FAT3: variants seen among roughly 807,000 people sequenced by gnomAD.
FAT3 encodes FAT atypical cadherin 3.
Under a neutral mutation model 310.2 loss-of-function variants are expected in FAT3, and 95 were observed. The ratio of observed to expected loss-of-function variants is 0.31; its 90% confidence interval spans 0.26 to 0.36. The LOEUF (loss-of-function observed/expected upper bound fraction) is 0.36. Ranked by LOEUF, FAT3 falls within the 10% of genes least tolerant of loss-of-function variation. The probability of loss-of-function intolerance (pLI) is 1.00; values close to 1 mark genes in which losing one functional copy is unlikely to be tolerated. For missense variants in FAT3, 5,408 were observed against 5,715.6 expected, an observed-to-expected ratio of 0.95 and a Z score of 1.74; for synonymous variants, 2,314 against 2,192.9, an observed-to-expected ratio of 1.06 and a Z score of -1.54.
chr11:92,706,923 C>T (rs781107788), intron 4 of FAT3, among the ~76,000 whole-genome samples: 10 of 152,178 alleles, frequency 6.6e-5, no homozygotes, highest in Non-Finnish European at 1.3e-4. Flanking sequence ...CTATCTGAGC[C>T]AAGGAACGGA....
At chr11:92,659,713 G>A (rs573161134) in intron 3 of FAT3, among the ~76,000 whole-genome samples, 56 of 152,306 alleles carry the variant, frequency 3.7e-4, no homozygotes, top group Admixed American at 1.0e-3. Flanking sequence ...GAAGCTGATG[G>A]TAGAAGATGG....
intron 3 of FAT3, among the ~76,000 whole-genome samples, chr11:92,685,005 T>A (rs1365546518): frequency 6.6e-5 from 10 of 152,188 alleles, no homozygotes; most frequent in Non-Finnish European, 1.5e-4. Flanking sequence ...GCGCTTTGTC[T>A]TATCCTCCAT....
chr11:92,483,152 A>G (rs1379685703), intron 2 of FAT3, among the ~76,000 whole-genome samples: 1 of 152,174 alleles, frequency 6.6e-6, no homozygotes, highest in African/African-American at 2.4e-5. Flanking sequence ...ATGCTTGGAC[A>G]AGCTAAGTGA....
chr11:92,735,557 CATAGATAGATAG>C (rs35680919), intron 4 of FAT3, among the ~76,000 whole-genome samples: 97 of 148,852 alleles, frequency 6.5e-4, no homozygotes, highest in East Asian at 1.0e-3. Context: ...GATGGATGAG[CATAGATAGATAG>C]ATAGATAGAT....
intron 3 of FAT3, among the ~76,000 whole-genome samples, chr11:92,527,961 C>T (rs1173207993): frequency 6.6e-6 from 1 of 152,190 alleles, no homozygotes; most frequent in African/African-American, 2.4e-5. Flanking sequence ...ATTTCCTCCT[C>T]TGCTGTACAG....
chr11:92,410,173 G>A lies in FAT3; in HGVS notation c.3292+54769G>A, dbSNP rs1950224842. 2.0e-5 allele frequency among the ~76,000 whole-genome samples: 3 copies of A among 152,038 alleles called. No homozygotes were observed. The South Asian group carries it at 6.2e-4, about 32-fold the overall frequency. On this transcript the variant is annotated intron_variant, in intron 2 of 27. Coordinates refer to ENST00000525166, the MANE Select transcript of FAT3 (RefSeq NM_001367949.2). ...GTGATTTTTTTTTAAATCATCAGAT[G>A]TGCTGCAGCTGTGGAATTCTACAAA...
rs146240499 is a variant in FAT3, at chr11:92,786,444, T to C, written c.4336-3499T>C. Among the ~76,000 whole-genome samples the C allele has an allele frequency of 3.8e-4, 58 of 151,442 alleles. No homozygotes were observed. The East Asian group carries it at 0.011, about 29-fold the overall frequency. On this transcript the variant is annotated intron_variant, in intron 7 of 27. Transcript: ENST00000525166. The stretch of plus-strand genomic sequence containing the variant: ...TAACCTATAGAAGAATGAGATGAGA[T>C]ACAAATAATTTAACAAAAAAAGAAA...
At chr11:92,673,800 C>T (rs1423802954) in intron 3 of FAT3, among the ~76,000 whole-genome samples, 3 of 152,100 alleles carry the variant, frequency 2.0e-5, no homozygotes, top group Admixed American at 6.5e-5. Context: ...CAAATCTGAA[C>T]ATTGGTAGGA....
At position 92,869,336 on chromosome 11, in the gene FAT3, G is replaced by A. The variant is rs115766332; in HGVS notation, c.12127+2127G>A. Among the ~76,000 whole-genome samples, 1,034 of 152,314 alleles carry A rather than the reference G, an allele frequency of 6.8e-3. 6 individuals carry two copies. Among genetic ancestry groups the A allele is most frequent in the African/African-American group, 0.023 (974 of 41,566 alleles). On this transcript the variant is annotated intron_variant, in intron 22 of 27. Transcript: ENST00000525166. ...TCAGTAGACACCCGGACGTGTCCCAGGTGGGGAAATTTGGGACTCTCATGC... is the reference window on the plus strand; with the variant it reads ...TCAGTAGACACCCGGACGTGTCCCAAGTGGGGAAATTTGGGACTCTCATGC...
intron 2 of FAT3, among the ~76,000 whole-genome samples, chr11:92,399,266 C>T (rs961907022): frequency 1.3e-5 from 2 of 152,092 alleles, no homozygotes; most frequent in Non-Finnish European, 2.9e-5. Flanking sequence ...TGCATAAAGC[C>T]CATATCATCT....
intron 13 of FAT3, among the ~76,000 whole-genome samples, chr11:92,824,889 T>A (rs908898544): frequency 6.6e-6 from 1 of 152,170 alleles, no homozygotes; most frequent in African/African-American, 2.4e-5. Context: ...TACATCTTTA[T>A]TGTGACATTG....
intron 3 of FAT3, among the ~76,000 whole-genome samples, chr11:92,598,691 G>A (rs1224541240): frequency 6.6e-6 from 1 of 152,194 alleles, no homozygotes; most frequent in Non-Finnish European, 1.5e-5. Flanking sequence ...AGAGGCTTTA[G>A]AGGATTATAC....
In FAT3 at chr11:92,478,678, G is replaced by A. The variant is rs573272135; in HGVS notation, c.3293-45956G>A. On this transcript the variant is annotated intron_variant, in intron 2 of 27. Transcript: ENST00000525166. ...GTCCCCGAGGCTAGAGTGCAGTGGC[G>A]TGATCTACGCTCACTGCCACCTCTG... 3.3e-5 allele frequency among the ~76,000 whole-genome samples: 5 copies of A among 151,934 alleles called. 1 individual carries two copies. The highest frequency in any genetic ancestry group is 3.9e-4 in the East Asian group (2 of 5,160).
intron 2 of FAT3, among the ~76,000 whole-genome samples, chr11:92,442,485 TAAAC>T (rs965507292): frequency 1.3e-5 from 2 of 151,882 alleles, no homozygotes; most frequent in African/African-American, 4.8e-5. Context: ...AATAAATAAA[TAAAC>T]TAATAAATAA....
At chr11:92,368,849 C>CATATATATAT (rs1565263622) in intron 2 of FAT3, among the ~76,000 whole-genome samples, 2 of 104,138 alleles carry the variant, frequency 1.9e-5, no homozygotes, top group Admixed American at 1.8e-4. Flanking sequence ...TATATATATA[C>CATATATATAT]ACACATACAC....
intron 2 of FAT3, among the ~76,000 whole-genome samples, chr11:92,496,331 G>GC (rs1034773379): frequency 6.6e-6 from 1 of 151,852 alleles, no homozygotes; most frequent in East Asian, 1.9e-4. Context: ...CTCCATCTGT[G>GC]CCCCCTGCCT....
At chr11:92,833,562 G>A (rs11824437) in intron 14 of FAT3, among the ~76,000 whole-genome samples, 295 of 152,182 alleles carry the variant, frequency 1.9e-3, no homozygotes, top group African/African-American at 6.8e-3. Flanking sequence ...TCTAGAATGC[G>A]TATTCTAATA....
intron 2 of FAT3, among the ~76,000 whole-genome samples, chr11:92,405,237 T>C (rs1200153640): frequency 6.6e-6 from 1 of 152,094 alleles, no homozygotes; most frequent in East Asian, 1.9e-4. Flanking sequence ...ACTCTGATCA[T>C]GGAGGATACT....
chr11:92,648,269 G>A (rs988456690), intron 3 of FAT3, among the ~76,000 whole-genome samples: 16 of 152,162 alleles, frequency 1.1e-4, no homozygotes, highest in African/African-American at 3.9e-4. Context: ...ATATGAAGAT[G>A]ATTACTTGAA....
Sources: gnomAD v4.1 joint callset for allele counts (sites outside exome capture counted in the v4.1 genomes callset) on GRCh38, gnomAD v4.1.1 for gene constraint, MANE v1.5 for transcripts, NCBI Gene and HGNC (gene_info 2026-07-23, HGNC 2026-07-21) for gene names.